HTT-AS: variants seen among roughly 807,000 people sequenced by gnomAD.
HTT-AS encodes HTT antisense RNA (head to head).
At chr4:3,047,914 C>CCT (rs912034291), downstream of HTT-AS, among the ~76,000 whole-genome samples, 1 of 152,054 alleles carries the variant, frequency 6.6e-6, no homozygotes, top group Non-Finnish European at 1.5e-5. Context: ...TAGGCTGTCT[C>CCT]CTCTCTCTCT....
At chr4:3,072,313 TG>T (rs1712192610) in intron 1 of HTT-AS, among the ~76,000 whole-genome samples, 1 of 152,268 alleles carries the variant, frequency 6.6e-6, no homozygotes, top group Non-Finnish European at 1.5e-5. Flanking sequence ...CCTCGCCATG[TG>T]GGCCTCTCCA....
intron 2 of HTT-AS, among the ~76,000 whole-genome samples, chr4:3,060,563 C>G (rs762006160): frequency 6.6e-6 from 1 of 152,170 alleles, no homozygotes; most frequent in African/African-American, 2.4e-5. Context: ...AGAAAGTCCT[C>G]GGTAAGGTTT....
At chr4:3,046,208 A>G (rs1330378651), downstream of HTT-AS, among the ~76,000 whole-genome samples, 1 of 152,244 alleles carries the variant, frequency 6.6e-6, no homozygotes, top group Non-Finnish European at 1.5e-5. Context: ...ATCACAGCAG[A>G]TTCAGAGGGA....
chr4:3,053,047 G>C (rs1711737685), intron 2 of HTT-AS, among the ~76,000 whole-genome samples: 1 of 151,870 alleles, frequency 6.6e-6, no homozygotes. Context: ...CCTTCCAGCT[G>C]TGCCTGCTTA....
chr4:3,056,263 G>A (rs1277313919), intron 2 of HTT-AS, among the ~76,000 whole-genome samples: 2 of 152,220 alleles, frequency 1.3e-5, no homozygotes, highest in African/African-American at 4.8e-5. Flanking sequence ...GCAGTCCTCA[G>A]AATCCCAGCA....
intron 2 of HTT-AS, among the ~76,000 whole-genome samples, chr4:3,062,056 CTT>C (rs1430952613): frequency 6.9e-6 from 1 of 144,814 alleles, no homozygotes; most frequent in East Asian, 2.2e-4. Context: ...AGAAGGATGA[CTT>C]TGAATGGAAT....
downstream of HTT-AS, among the ~76,000 whole-genome samples, chr4:3,048,079 C>G (rs559909550): frequency 6.6e-6 from 1 of 152,270 alleles, no homozygotes; most frequent in South Asian, 2.1e-4. Context: ...GGGGCCACTA[C>G]CAGTCTCCGT....
intron 1 of HTT-AS, among the ~76,000 whole-genome samples, chr4:3,073,192 C>G (rs1253547978): frequency 6.6e-6 from 1 of 152,258 alleles, no homozygotes; most frequent in African/African-American, 2.4e-5. Flanking sequence ...GGCCACAGAG[C>G]AGGGGACTCT....
chr4:3,050,565 C>T (rs1411021590), intron 2 of HTT-AS, among the ~76,000 whole-genome samples: 1 of 152,078 alleles, frequency 6.6e-6, no homozygotes, highest in Non-Finnish European at 1.5e-5. Flanking sequence ...TTTCAGAAAC[C>T]GCACCAGCAT....
chr4:3,055,874 A>T (rs1480136686), intron 2 of HTT-AS, among the ~76,000 whole-genome samples: 4 of 152,220 alleles, frequency 2.6e-5, no homozygotes, highest in African/African-American at 9.6e-5. Flanking sequence ...TTTCAGACCC[A>T]GTCAGATGTA....
intron 1 of HTT-AS, among the ~76,000 whole-genome samples, chr4:3,068,163 G>A (rs1469348674): frequency 2.6e-5 from 4 of 151,760 alleles, no homozygotes; most frequent in Non-Finnish European, 4.4e-5. Context: ...AAAATTAGTC[G>A]GGCATGGTGG....
intron 1 of HTT-AS, among the ~76,000 whole-genome samples, chr4:3,073,079 T>TG (rs749474716): frequency 2.2e-4 from 33 of 152,200 alleles, no homozygotes; most frequent in Admixed American, 7.9e-4. Context: ...GCTGTTTCTC[T>TG]GCTGTCCTTC....
chr4:3,065,156 C>T (rs1712018334), intron 1 of HTT-AS, among the ~76,000 whole-genome samples: 1 of 152,064 alleles, frequency 6.6e-6, no homozygotes, highest in Non-Finnish European at 1.5e-5. Flanking sequence ...TATTTATCAG[C>T]CCAGAAGGCA....
At chr4:3,073,068 A>G (rs762855) in intron 1 of HTT-AS, among the ~76,000 whole-genome samples, 80,014 of 152,136 alleles carry the variant, frequency 0.53, 21,887 homozygotes, top group African/African-American at 0.66. Flanking sequence ...GGGAACTAAC[A>G]GCTGTTTCTC....
downstream of HTT-AS, among the ~76,000 whole-genome samples, chr4:3,047,511 G>T (rs1711614406): frequency 6.6e-6 from 1 of 152,210 alleles, no homozygotes; most frequent in East Asian, 1.9e-4. Context: ...AAGGGACAGG[G>T]TGAGAAGTGA....
At chr4:3,052,411 T>G (rs1352569822) in intron 2 of HTT-AS, among the ~76,000 whole-genome samples, 1 of 152,180 alleles carries the variant, frequency 6.6e-6, no homozygotes, top group Non-Finnish European at 1.5e-5. Flanking sequence ...AGCCTGGGAC[T>G]CCTTGGGAAA....
At chr4:3,057,322 T>C (rs74990177) in intron 2 of HTT-AS, among the ~76,000 whole-genome samples, 8,164 of 151,532 alleles carry the variant, frequency 0.054, 379 homozygotes, top group African/African-American at 0.12. Flanking sequence ...CGTGAGCCAC[T>C]GCACCCCACC....
chr4:3,051,227 A>G (rs1711698217), intron 2 of HTT-AS, among the ~76,000 whole-genome samples: 1 of 152,044 alleles, frequency 6.6e-6, no homozygotes, highest in Non-Finnish European at 1.5e-5. Context: ...CACCATGCCC[A>G]GCTAATTTTG....
chr4:3,055,471 T>G (rs1044818504), intron 2 of HTT-AS, among the ~76,000 whole-genome samples: 34 of 152,298 alleles, frequency 2.2e-4, no homozygotes, highest in Middle Eastern at 6.8e-3. Context: ...GCAGCCTATC[T>G]CCTTTGGATT....
Sources: allele counts gnomAD v4.1 joint callset (sites outside exome capture counted in the v4.1 genomes callset), GRCh38; gene constraint gnomAD v4.1.1; transcripts MANE v1.5; gene names NCBI Gene and HGNC (gene_info 2026-07-23, HGNC 2026-07-21).